NCOA2: variants seen among roughly 807,000 people sequenced by gnomAD.
NCOA2 encodes class E basic helix-loop-helix protein 75.
NCOA2 carries 21 observed loss-of-function variants against 145.1 expected under a neutral mutation model. The observed-to-expected ratio is 0.14, with a 90% confidence interval of 0.10 to 0.21. The LOEUF (loss-of-function observed/expected upper bound fraction) is 0.21, where lower values mean the gene tolerates loss of function less well. Ranked by LOEUF, NCOA2 falls within the 10% of genes least tolerant of loss-of-function variation. NCOA2 has a pLI of 1.00. For synonymous variants in NCOA2, 619 were observed against 637.5 expected, an observed-to-expected ratio of 0.97 and a Z score of 0.44; for missense variants, 1,472 against 1,837.6, an observed-to-expected ratio of 0.80 and a Z score of 3.64.
At chr8:70,113,765 G>A (rs1036049331) in intron 22 of NCOA2, 122 bp from the exon 23 acceptor site, 19 of 902,560 alleles carry the variant, frequency 2.1e-5, no homozygotes, top group Middle Eastern at 4.2e-4. Context: ...CACAGAGGCC[G>A]CATCTGGATG....
chr8:70,428,278 A>C, the NCOA2 span, among the ~76,000 whole-genome samples: 53,004 of 149,772 alleles, frequency 0.35, 9,418 homozygotes, highest in East Asian at 0.51. Flanking sequence ...CATAGGGAGA[A>C]CCTGTCTCTA....
At chr8:70,226,839 G>C (rs1188208174) in intron 2 of NCOA2, among the ~76,000 whole-genome samples, 1 of 151,996 alleles carries the variant, frequency 6.6e-6, no homozygotes, top group African/African-American at 2.4e-5. Context: ...TTCAGAGCAA[G>C]AAATATATCT....
the NCOA2 span, among the ~76,000 whole-genome samples, chr8:70,430,683 T>TA: frequency 7.2e-5 from 11 of 151,954 alleles, no homozygotes; most frequent in Non-Finnish European, 1.3e-4. Flanking sequence ...TTCACTCAAT[T>TA]AAAAAAAATG....
chr8:70,426,293 A>T, the NCOA2 span, among the ~76,000 whole-genome samples: 2 of 152,366 alleles, frequency 1.3e-5, no homozygotes, highest in East Asian at 1.9e-4. Context: ...TTTGTGACCG[A>T]TAAAAACATT....
intron 22 of NCOA2, 135 bp downstream of exon 22, chr8:70,121,167 G>A (rs1807763337): frequency 1.4e-6 from 1 of 693,668 alleles, no homozygotes; most frequent in Non-Finnish European, 2.5e-6. Context: ...AGCACTGTAT[G>A]CCAGATGAAA....
At chr8:70,116,889 G>C (rs991154779) in intron 22 of NCOA2, among the ~76,000 whole-genome samples, 2 of 152,186 alleles carry the variant, frequency 1.3e-5, no homozygotes, top group Admixed American at 1.3e-4. Flanking sequence ...GAGAGGTGCT[G>C]TGTCGCCCAG....
intron 7 of NCOA2, 131 bp downstream of exon 7, chr8:70,166,435 A>G: frequency 9.3e-7 from 1 of 1,074,300 alleles, no homozygotes; most frequent in Non-Finnish European, 1.4e-6. Flanking sequence ...CCATCACAAA[A>G]CAGTAAAATT....
At chr8:70,218,769 G>A (rs1232175731) in intron 2 of NCOA2, among the ~76,000 whole-genome samples, 2 of 152,148 alleles carry the variant, frequency 1.3e-5, no homozygotes, top group Admixed American at 1.3e-4. Flanking sequence ...CACTCTGAAA[G>A]CAGCTTTCTA....
intron 1 of NCOA2, among the ~76,000 whole-genome samples, chr8:70,375,177 A>G (rs1586630277): frequency 6.6e-6 from 1 of 152,204 alleles, no homozygotes; most frequent in Non-Finnish European, 1.5e-5. Flanking sequence ...TATTATAATG[A>G]CCGTATTTCA....
intron 1 of NCOA2, among the ~76,000 whole-genome samples, chr8:70,336,206 A>G (rs1807574899): frequency 6.6e-6 from 1 of 152,168 alleles, no homozygotes; most frequent in Admixed American, 6.5e-5. Flanking sequence ...CACTGGGCTA[A>G]GACATACTGA....
rs866579996 is a variant in NCOA2 at position 70,323,661 on chromosome 8, G to A, written c.-76-26861C>T. Among the ~76,000 whole-genome samples the A allele has an allele frequency of 4.6e-5, 7 of 152,098 alleles. No homozygotes were observed. In the South Asian group the frequency reaches 1.0e-3, roughly 23 times the overall value. On this transcript the variant is annotated intron_variant, in intron 1 of 22. Coordinates refer to ENST00000452400, the MANE Select transcript of NCOA2 (RefSeq NM_006540.4). ...GGATACTTATTACCATAAACGATGT[G>A]TAAATCAGACTACTGATTATATGAT... is the stretch of plus-strand genomic sequence containing the variant.
rs1172420258 is a variant in NCOA2, at chr8:70,327,038, C to CTTA, written c.-76-30241_-76-30239dup. Among the ~76,000 whole-genome samples, 4 of 152,302 alleles carry CTTA rather than the reference C, an allele frequency of 2.6e-5. No individual in the cohort carries two copies. In the South Asian group the frequency reaches 8.3e-4, roughly 32 times the overall value. On this transcript the variant is annotated intron_variant, in intron 1 of 22. Transcript: ENST00000452400. The stretch of plus-strand genomic sequence containing the variant: ...CCACTAACTCACTTCACTGCCTTTG[C>CTTA]TTAAGCTTTCCTTGCCTAACTTCAA...
chr8:70,208,324 C>G (rs573968197), intron 4 of NCOA2, among the ~76,000 whole-genome samples: 1 of 152,154 alleles, frequency 6.6e-6, no homozygotes, highest in Non-Finnish European at 1.5e-5. Context: ...AAGTTTAAAG[C>G]TAGCAAAGGT....
intron 1 of NCOA2, among the ~76,000 whole-genome samples, chr8:70,336,171 C>CA (rs1807571735): frequency 6.6e-6 from 1 of 152,108 alleles, no homozygotes; most frequent in African/African-American, 2.4e-5. Flanking sequence ...TTTATACCAG[C>CA]ATCATCACAA....
intron 1 of NCOA2, among the ~76,000 whole-genome samples, chr8:70,370,000 C>A (rs1811067420): frequency 6.6e-6 from 1 of 152,044 alleles, no homozygotes. Context: ...ATCCTCCAAC[C>A]TTAGCCTCCA....
At chr8:70,350,792 T>C (rs1402291262) in intron 1 of NCOA2, among the ~76,000 whole-genome samples, 1 of 152,202 alleles carries the variant, frequency 6.6e-6, no homozygotes, top group African/African-American at 2.4e-5. Flanking sequence ...GTTAAAAATA[T>C]AGCAAGACAA....
At chr8:70,282,790 A>G (rs1825980611) in intron 2 of NCOA2, among the ~76,000 whole-genome samples, 1 of 152,096 alleles carries the variant, frequency 6.6e-6, no homozygotes, top group Non-Finnish European at 1.5e-5. Context: ...TGCTAATAAG[A>G]GAGTCAGCTG....
At chr8:70,246,743 C>G (rs1271538843) in intron 2 of NCOA2, among the ~76,000 whole-genome samples, 2 of 152,076 alleles carry the variant, frequency 1.3e-5, no homozygotes, top group African/African-American at 2.4e-5. Context: ...CCCTGGCAAC[C>G]ACCACTCTAC....
chr8:70,316,974 C>T (rs1376446479), intron 1 of NCOA2, among the ~76,000 whole-genome samples: 1 of 152,088 alleles, frequency 6.6e-6, no homozygotes, highest in African/African-American at 2.4e-5. Flanking sequence ...AAGTTCCTCA[C>T]GGTTCAGACT....
Sources: gnomAD v4.1 joint callset for allele counts (sites outside exome capture counted in the v4.1 genomes callset) on GRCh38, gnomAD v4.1.1 for gene constraint, MANE v1.5 for transcripts, NCBI Gene and HGNC (gene_info 2026-07-23, HGNC 2026-07-21) for gene names.